The following NKAIN3 variants were observed in gnomAD, a reference collection of about 807,000 sequenced individuals.
The protein encoded by NKAIN3 is sodium/potassium-transporting ATPase subunit beta-1-interacting protein 3.
In NKAIN3, 25 loss-of-function variants were observed where a neutral mutation model predicts 30.2. That is an observed-to-expected ratio of 0.83 (90% CI 0.60 to 1.16). The LOEUF is 1.16. Among genes scored for constraint, NKAIN3 ranks in the 50% most tolerant of loss-of-function variants. The probability of loss-of-function intolerance (pLI) is 0.00; values close to 1 mark genes in which losing one functional copy is unlikely to be tolerated. For missense variants in NKAIN3, 225 were observed against 254.1 expected, an observed-to-expected ratio of 0.89 and a Z score of 0.78; for synonymous variants, 91 against 89.6, an observed-to-expected ratio of 1.02 and a Z score of -0.09.
chr8:62,428,284 A>G (rs1804879064), intron 1 of NKAIN3, among the ~76,000 whole-genome samples: 1 of 151,962 alleles, frequency 6.6e-6, no homozygotes, highest in Non-Finnish European at 1.5e-5. Context: ...GACTATTGTG[A>G]ATGGTTCTTC....
intron 1 of NKAIN3, among the ~76,000 whole-genome samples, chr8:62,427,748 G>A (rs536832121): frequency 4.6e-4 from 70 of 151,918 alleles, no homozygotes; most frequent in African/African-American, 1.6e-3. Context: ...TAGGGTACAT[G>A]TGTTATTTTT....
intron 1 of NKAIN3, among the ~76,000 whole-genome samples, chr8:62,322,658 A>G (rs1431054766): frequency 6.6e-6 from 1 of 152,228 alleles, no homozygotes; most frequent in African/African-American, 2.4e-5. Context: ...AATAAATACT[A>G]TGTGAGGGAC....
At chr8:62,294,055 C>T (rs981788503) in intron 1 of NKAIN3, among the ~76,000 whole-genome samples, 1 of 152,174 alleles carries the variant, frequency 6.6e-6, no homozygotes, top group Non-Finnish European at 1.5e-5. Context: ...GATGCAATCT[C>T]CTGGCATGCC....
intron 1 of NKAIN3, among the ~76,000 whole-genome samples, chr8:62,388,355 C>T (rs118067248): frequency 1.6e-3 from 239 of 152,296 alleles, no homozygotes; most frequent in Non-Finnish European, 2.7e-3. Context: ...ATTTAGCTAC[C>T]TCCAAGCTAA....
intron 1 of NKAIN3, among the ~76,000 whole-genome samples, chr8:62,331,016 A>C (rs12547694): frequency 0.5 from 74,920 of 148,470 alleles, 18,960 homozygotes; most frequent in East Asian, 0.59. Context: ...CTCTCTCTAT[A>C]TATATGTATG....
At chr8:62,400,066 T>C (rs377245224) in intron 1 of NKAIN3, among the ~76,000 whole-genome samples, 3 of 152,146 alleles carry the variant, frequency 2.0e-5, no homozygotes, top group East Asian at 1.9e-4. Context: ...TTTTTTGTTT[T>C]GTTTTGTTTT....
rs531768316 is a variant in NKAIN3, at chr8:62,553,333, G to GA, written c.55-26201dup. Among the ~76,000 whole-genome samples the GA allele has an allele frequency of 4.0e-3, 603 of 152,158 alleles. 1 individual carries two copies. The highest frequency in any genetic ancestry group is 7.1e-3 in the Non-Finnish European group (483 of 67,978). ...AAAGTTTGTCTTTTCTTTCTCTGAA[G>GA]AAAAATGAATGTCATTTAATACAGA... On this transcript the variant is annotated intron_variant, in intron 1 of 6. Transcript: ENST00000623646.
At chr8:62,419,980 T>C (rs1224848109) in intron 1 of NKAIN3, among the ~76,000 whole-genome samples, 1 of 152,180 alleles carries the variant, frequency 6.6e-6, no homozygotes, top group Admixed American at 6.6e-5. Context: ...AGGACACTTC[T>C]ATATAAACTA....
intron 3 of NKAIN3, among the ~76,000 whole-genome samples, chr8:62,679,926 ACC>A: frequency 6.6e-6 from 1 of 152,250 alleles, no homozygotes; most frequent in Admixed American, 6.5e-5. Flanking sequence ...AAGTTCAGGG[ACC>A]TTAAATAATA....
At chr8:62,498,159 C>G (rs1451846) in intron 1 of NKAIN3, among the ~76,000 whole-genome samples, 1 of 151,796 alleles carries the variant, frequency 6.6e-6, no homozygotes, top group African/African-American at 2.4e-5. Context: ...TATAATGTAT[C>G]GTAAAATGAG....
chr8:62,481,502 A>G (rs181143189), intron 1 of NKAIN3, among the ~76,000 whole-genome samples: 12 of 152,294 alleles, frequency 7.9e-5, no homozygotes, highest in African/African-American at 1.2e-4. Flanking sequence ...GACTAGACCT[A>G]TGAGATGCTT....
chr8:62,609,573 C>T (rs866026226), intron 3 of NKAIN3, among the ~76,000 whole-genome samples: 1 of 151,924 alleles, frequency 6.6e-6, no homozygotes, highest in Non-Finnish European at 1.5e-5. Flanking sequence ...TCTCAAAGAG[C>T]TTTTATTCTG....
intron 4 of NKAIN3, among the ~76,000 whole-genome samples, chr8:62,819,154 T>TATATATATATATATATATATATATATAC (rs1184020630): frequency 2.1e-4 from 7 of 32,706 alleles, no homozygotes; most frequent in African/African-American, 5.3e-4. Flanking sequence ...TATATATACA[T>TATATATATATATATATATATATATATAC]ATATATATAT....
At chr8:62,911,967 G>A (rs1348745719) in intron 4 of NKAIN3, among the ~76,000 whole-genome samples, 11 of 152,090 alleles carry the variant, frequency 7.2e-5, no homozygotes, top group Non-Finnish European at 1.6e-4. Context: ...CATGCCAGAA[G>A]GTCATATGTC....
chr8:62,410,645 T>C (rs1415573392), intron 1 of NKAIN3, among the ~76,000 whole-genome samples: 2 of 151,592 alleles, frequency 1.3e-5, no homozygotes, highest in African/African-American at 4.9e-5. Context: ...AAAGATAAGA[T>C]CCAAATAAGT....
At chr8:62,458,487 T>C (rs2129599312) in intron 1 of NKAIN3, among the ~76,000 whole-genome samples, 1 of 152,290 alleles carries the variant, frequency 6.6e-6, no homozygotes, top group South Asian at 2.1e-4. Flanking sequence ...GAATAAAGGT[T>C]GTTGGTAATT....
chr8:62,908,697 C>T (rs1821851086), intron 4 of NKAIN3, among the ~76,000 whole-genome samples: 1 of 152,168 alleles, frequency 6.6e-6, no homozygotes, highest in African/African-American at 2.4e-5. Flanking sequence ...CCCACCTTTG[C>T]CTTCTGCCAT....
chr8:62,522,229 A>G (rs1413325069), intron 1 of NKAIN3, among the ~76,000 whole-genome samples: 1 of 152,146 alleles, frequency 6.6e-6, no homozygotes, highest in Admixed American at 6.6e-5. Flanking sequence ...ATGGAGCTGA[A>G]AAATTCCTAT....
intron 4 of NKAIN3, among the ~76,000 whole-genome samples, chr8:62,850,399 G>C (rs1281813146): frequency 6.6e-6 from 1 of 152,004 alleles, no homozygotes; most frequent in Non-Finnish European, 1.5e-5. Flanking sequence ...CTCCCATTCT[G>C]TAGGCTGCCT....
Sources: allele counts gnomAD v4.1 joint callset (sites outside exome capture counted in the v4.1 genomes callset), GRCh38; gene constraint gnomAD v4.1.1; transcripts MANE v1.5; gene names NCBI Gene and HGNC (gene_info 2026-07-23, HGNC 2026-07-21).